Variants in ASTN2 observed in about 807,000 individuals in gnomAD.
The protein encoded by ASTN2 is astrotactin 2, also known as astrotactin-2.
A neutral mutation model predicts 139.8 loss-of-function variants in ASTN2; 54 were observed. The ratio of observed to expected loss-of-function variants is 0.39; its 90% CI spans 0.31 to 0.48. ASTN2 has a LOEUF of 0.48. Ranked by LOEUF, ASTN2 falls within the 20% of genes least tolerant of loss-of-function variation. The pLI is 0.95. For missense variants in ASTN2, 1,565 were observed against 1,725.1 expected, an observed-to-expected ratio of 0.91 and a Z score of 1.64; for synonymous variants, 756 against 719.5, an observed-to-expected ratio of 1.05 and a Z score of -0.81.
intron 3 of ASTN2, among the ~76,000 whole-genome samples, chr9:117,163,652 A>G (rs1353232150): frequency 6.6e-6 from 1 of 152,114 alleles, no homozygotes; most frequent in Non-Finnish European, 1.5e-5. Flanking sequence ...ACTTGAGTCT[A>G]CATCTCCCAA....
chr9:117,077,352 G>A (rs1347766653), intron 5 of ASTN2, among the ~76,000 whole-genome samples: 1 of 152,216 alleles, frequency 6.6e-6, no homozygotes, highest in African/African-American at 2.4e-5. Context: ...TATCTGTGAG[G>A]TGAGGTGGGG....
At chr9:116,662,258 G>A (rs955760794) in intron 16 of ASTN2, among the ~76,000 whole-genome samples, 3 of 152,042 alleles carry the variant, frequency 2.0e-5, no homozygotes, top group Non-Finnish European at 2.9e-5. Context: ...GAATATCACC[G>A]ACAATATAAA....
intron 10 of ASTN2, among the ~76,000 whole-genome samples, chr9:116,945,541 T>C (rs943163979): frequency 2.6e-5 from 4 of 152,198 alleles, no homozygotes; most frequent in African/African-American, 9.6e-5. Context: ...TTTAGCACTC[T>C]AGCCTACAGT....
At chr9:116,607,738 G>A (rs1041488348) in intron 19 of ASTN2, among the ~76,000 whole-genome samples, 1 of 149,846 alleles carries the variant, frequency 6.7e-6, no homozygotes, top group Non-Finnish European at 1.5e-5. Flanking sequence ...GAAGCAGGCG[G>A]GTCACGAGGT....
intron 2 of ASTN2, among the ~76,000 whole-genome samples, chr9:117,252,474 C>T (rs1316146552): frequency 6.6e-6 from 1 of 152,202 alleles, no homozygotes; most frequent in African/African-American, 2.4e-5. Flanking sequence ...GCCAGACACG[C>T]ACTACCACCA....
chr9:117,230,538 T>C (rs1436605109), intron 2 of ASTN2, among the ~76,000 whole-genome samples: 1 of 152,200 alleles, frequency 6.6e-6, no homozygotes, highest in Non-Finnish European at 1.5e-5. Flanking sequence ...ATACCTTATT[T>C]CCAAAGAAGA....
intron 2 of ASTN2, among the ~76,000 whole-genome samples, chr9:117,272,184 G>A (rs1043276943): frequency 6.6e-6 from 1 of 152,230 alleles, no homozygotes; most frequent in Non-Finnish European, 1.5e-5. Flanking sequence ...CTGTGCACCT[G>A]CAGGCTAAAC....
chr9:116,623,883 C>T (rs909024057), intron 17 of ASTN2, among the ~76,000 whole-genome samples: 2 of 151,972 alleles, frequency 1.3e-5, no homozygotes, highest in African/African-American at 4.8e-5. Context: ...AGCCACTCTG[C>T]TTGGGTCATG....
intron 19 of ASTN2, among the ~76,000 whole-genome samples, chr9:116,493,105 G>T (rs1364348757): frequency 6.6e-6 from 1 of 152,148 alleles, no homozygotes; most frequent in Admixed American, 6.5e-5. Context: ...AAATACAGAG[G>T]CTTGGGAATG....
At chr9:117,318,206 T>G (rs1195756464) in intron 1 of ASTN2, among the ~76,000 whole-genome samples, 1 of 152,170 alleles carries the variant, frequency 6.6e-6, no homozygotes, top group East Asian at 1.9e-4. Context: ...TGGGTGCCTT[T>G]AGAAAGTTGC....
intron 19 of ASTN2, among the ~76,000 whole-genome samples, chr9:116,555,573 A>T (rs1852573212): frequency 6.6e-6 from 1 of 151,798 alleles, no homozygotes; most frequent in Non-Finnish European, 1.5e-5. Flanking sequence ...CTCACAGAAG[A>T]CCTCTGGCTG....
intron 6 of ASTN2, among the ~76,000 whole-genome samples, chr9:117,031,389 C>T (rs143363714): frequency 0.01 from 1,579 of 152,190 alleles, 7 homozygotes; most frequent in Non-Finnish European, 0.017. Context: ...AAGCTGTGGT[C>T]CTTGCCCTTG....
chr9:116,971,075 T>C (rs1249871499), intron 10 of ASTN2, among the ~76,000 whole-genome samples: 1 of 152,184 alleles, frequency 6.6e-6, no homozygotes, highest in Non-Finnish European at 1.5e-5. Flanking sequence ...AGGTGGGCTG[T>C]ATTTATCTCT....
chr9:116,619,688 ATTT>A (rs766517097), intron 18 of ASTN2, among the ~76,000 whole-genome samples: 2 of 74,300 alleles, frequency 2.7e-5, no homozygotes, highest in South Asian at 1.2e-3. Context: ...CACACGGGCT[ATTT>A]TTTTTTTTTT....
intron 3 of ASTN2, among the ~76,000 whole-genome samples, chr9:117,143,026 C>T (rs1478862349): frequency 1.3e-5 from 2 of 152,174 alleles, no homozygotes; most frequent in African/African-American, 4.8e-5. Context: ...CTAAGGCGCT[C>T]CTGTTTTCTC....
intron 10 of ASTN2, among the ~76,000 whole-genome samples, chr9:116,897,667 G>C (rs909398716): frequency 1.3e-5 from 2 of 151,900 alleles, no homozygotes; most frequent in African/African-American, 4.8e-5. Flanking sequence ...GGAACGAACT[G>C]AATCTATATG....
chr9:116,698,306 T>C lies in ASTN2; in HGVS notation c.2806+27465A>G, dbSNP rs1033981624. ...GGTATAAAGCAGTTCTCCAGGAGTA[T>C]GGGCATGAGGAGCGCAGGGTCCAGG... On this transcript the variant is annotated intron_variant, in intron 16 of 22. Coordinates refer to ENST00000313400, the MANE Select transcript of ASTN2 (RefSeq NM_001365068.1). The surrounding 1 kb of genome is among the most constrained non-coding windows in gnomAD (Gnocchi z 4.4). 1.2e-6 allele frequency: 2 copies of C among 1,614,008 alleles called. No individual in the cohort carries two copies. The highest frequency in any genetic ancestry group is 1.7e-5 in the Admixed American group (1 of 60,010).
At chr9:117,069,104 G>A (rs1388320664) in intron 5 of ASTN2, among the ~76,000 whole-genome samples, 1 of 85,974 alleles carries the variant, frequency 1.2e-5, no homozygotes. Flanking sequence ...TGATGTTAGG[G>A]TGTCAATTTT....
chr9:117,139,366 C>A lies in ASTN2; in HGVS notation c.1168+1960G>T, dbSNP rs185171793. Reference sequence around the variant, plus strand: ...GAGGAAACTGAAGTTCAGGGAGAACCAATGATACTTCCAAAGTCATGCAAG... The same window carrying A: ...GAGGAAACTGAAGTTCAGGGAGAACAAATGATACTTCCAAAGTCATGCAAG... On this transcript the variant is annotated intron_variant, in intron 4 of 22. Coordinates refer to ENST00000313400, the MANE Select transcript of ASTN2 (RefSeq NM_001365068.1). 2.2e-4 allele frequency among the ~76,000 whole-genome samples: 33 copies of A among 152,246 alleles called. No homozygotes were observed. The East Asian group carries it at 2.3e-3, about 11-fold the overall frequency.
Sources: gnomAD v4.1 joint callset for allele counts (sites outside exome capture counted in the v4.1 genomes callset) on GRCh38, gnomAD v4.1.1 for gene constraint, Gnocchi (gnomAD v3.1) non-coding constraint, MANE v1.5 for transcripts, NCBI Gene and HGNC (gene_info 2026-07-23, HGNC 2026-07-21) for gene names.